SCN10A: variants seen among roughly 807,000 people sequenced by gnomAD.
SCN10A encodes the protein sodium channel protein type 10 subunit alpha.
A neutral mutation model predicts 170.7 loss-of-function variants in SCN10A; 162 were observed. That is an observed-to-expected ratio of 0.95 (90% confidence interval 0.84 to 1.08). The LOEUF (loss-of-function observed/expected upper bound fraction) is 1.08. SCN10A is among the 50% of genes least tolerant of loss of function. SCN10A has a pLI of 0.00. For missense variants in SCN10A, 2,527 were observed against 2,436.9 expected (o/e 1.04, Z -0.78); for synonymous variants, 985 against 904.6 (o/e 1.09, Z -1.59).
intron 1 of SCN10A, among the ~76,000 whole-genome samples, chr3:38,809,886 A>G (rs1319804143): frequency 6.6e-6 from 1 of 152,230 alleles, no homozygotes; most frequent in Admixed American, 6.5e-5. Flanking sequence ...TAAGTGACTC[A>G]AGGTATTAAA....
At chr3:38,778,903 A>G (rs1211879800) in intron 4 of SCN10A, among the ~76,000 whole-genome samples, 1 of 152,086 alleles carries the variant, frequency 6.6e-6, no homozygotes. Context: ...GTAGATTTGT[A>G]TATGTTATAC....
chr3:38,713,939 G>A lies in SCN10A; in HGVS notation c.3804+19C>T. The A allele has an allele frequency of 1.2e-6, 2 of 1,612,428 alleles. No homozygotes were observed. Among genetic ancestry groups the A allele is most frequent in the South Asian group, 2.2e-5 (2 of 91,024 alleles). ...CACCGTGCCTGGCCAGATGAGAGAA[G>A]TTTTGAGATCAGACTTACCCGCATG... On this transcript the variant is annotated intron_variant, in intron 22 of 27. Coordinates refer to ENST00000449082, the MANE Select transcript of SCN10A (RefSeq NM_006514.4).
chr3:38,739,511 T>G lies in SCN10A; in HGVS notation c.2280+4A>C. On this transcript the variant is annotated splice_donor_region_variant and intron_variant, in intron 15 of 27. Coordinates refer to ENST00000449082, the MANE Select transcript of SCN10A (RefSeq NM_006514.4). ...TCCCCAAGCCATCAAGAGAAAAACA[T>G]TACCAAGCGGAAGCTCCGCAGCACA... 2.5e-6 allele frequency: 4 copies of G among 1,612,686 alleles called. No homozygotes were observed. The highest frequency in any genetic ancestry group is 3.4e-6 in the Non-Finnish European group (4 of 1,179,284).
intron 22 of SCN10A, among the ~76,000 whole-genome samples, chr3:38,713,435 T>A (rs1355231818): frequency 6.6e-6 from 1 of 152,098 alleles, no homozygotes; most frequent in Non-Finnish European, 1.5e-5. Context: ...GAGCGATGAT[T>A]CAGGATTACT....
chr3:38,769,928 G>C (rs2063979670), intron 5 of SCN10A, among the ~76,000 whole-genome samples: 1 of 152,192 alleles, frequency 6.6e-6, no homozygotes, highest in Admixed American at 6.5e-5. Context: ...AAGTCTCCCA[G>C]CCATGGATAT....
At chr3:38,757,529 G>A (rs1287335036) in intron 8 of SCN10A, among the ~76,000 whole-genome samples, 2 of 152,170 alleles carry the variant, frequency 1.3e-5, no homozygotes, top group Non-Finnish European at 2.9e-5. Flanking sequence ...TATCAAGGGA[G>A]GTCTCACATT....
At chr3:38,750,626 GA>G (rs1474900717) in intron 12 of SCN10A, among the ~76,000 whole-genome samples, 2 of 152,136 alleles carry the variant, frequency 1.3e-5, no homozygotes, top group Non-Finnish European at 2.9e-5. Flanking sequence ...CAGCTATTTA[GA>G]AACCTTTTTA....
Position 38,725,267 on chromosome 3 carries a change from G to A in SCN10A, c.3135C>T (p.Pro1045=). The A allele has an allele frequency of 1.2e-6, 2 of 1,602,262 alleles. No homozygotes were observed. Among genetic ancestry groups the A allele is most frequent in the Non-Finnish European group, 1.7e-6 (2 of 1,171,390 alleles). The change falls in exon 18 of 28, where the codon CCC becomes CCT. Residue 1045 remains proline (P), a synonymous_variant. Coordinates refer to ENST00000449082, the MANE Select transcript of SCN10A (RefSeq NM_006514.4). ...QVERCGDHLT[P]RSPGTGTSSE... Reference sequence around the variant, plus strand: ...AAGATGTTCCAGTGCCTGGGCTCCTGGGTGTCAGGTGGTCCCCACACCTCT... The same window carrying A: ...AAGATGTTCCAGTGCCTGGGCTCCTAGGTGTCAGGTGGTCCCCACACCTCT...
chr3:38,732,844 A>G (rs576021476), intron 15 of SCN10A, among the ~76,000 whole-genome samples: 27 of 152,356 alleles, frequency 1.8e-4, no homozygotes, highest in African/African-American at 6.5e-4. Context: ...CTGGTTTATA[A>G]GAATAAAAGA....
At chr3:38,731,067 A>T (rs1270329199) in intron 15 of SCN10A, among the ~76,000 whole-genome samples, 1 of 152,244 alleles carries the variant, frequency 6.6e-6, no homozygotes, top group East Asian at 1.9e-4. Context: ...TAGACATATT[A>T]CAGTGAAACT....
At chr3:38,773,887 A>G (rs2064039320) in intron 4 of SCN10A, among the ~76,000 whole-genome samples, 1 of 152,168 alleles carries the variant, frequency 6.6e-6, no homozygotes, top group African/African-American at 2.4e-5. Flanking sequence ...TCAGAAATTG[A>G]AAAATTAAAA....
chr3:38,786,021 C>T (rs1053133801), intron 4 of SCN10A, among the ~76,000 whole-genome samples: 18 of 152,116 alleles, frequency 1.2e-4, no homozygotes, highest in Non-Finnish European at 2.5e-4. Flanking sequence ...TGCTTTTACA[C>T]TGTTGGTGGG....
chr3:38,733,879 C>T (rs1486852698), intron 15 of SCN10A, among the ~76,000 whole-genome samples: 1 of 152,100 alleles, frequency 6.6e-6, no homozygotes, highest in Non-Finnish European at 1.5e-5. Flanking sequence ...CACCATCACA[C>T]CTGGCTAATT....
intron 11 of SCN10A, among the ~76,000 whole-genome samples, chr3:38,754,204 A>G (rs2063778792): frequency 6.6e-6 from 1 of 152,172 alleles, no homozygotes; most frequent in South Asian, 2.1e-4. Flanking sequence ...TTTATTGTTG[A>G]TCCCAATTAT....
intron 19 of SCN10A, among the ~76,000 whole-genome samples, chr3:38,723,174 C>T (rs574596795): frequency 1.4e-4 from 21 of 152,070 alleles, no homozygotes; most frequent in Non-Finnish European, 2.2e-4. Flanking sequence ...TTAGAACTCA[C>T]GGAGGGGTTT....
chr3:38,800,869 T>A (rs531178267), intron 1 of SCN10A, among the ~76,000 whole-genome samples: 3 of 152,158 alleles, frequency 2.0e-5, no homozygotes, highest in Non-Finnish European at 4.4e-5. Flanking sequence ...TAGTAGCACC[T>A]TGACTTGAAT....
intron 21 of SCN10A, among the ~76,000 whole-genome samples, chr3:38,716,083 A>G (rs1218084976): frequency 1.3e-5 from 2 of 152,158 alleles, no homozygotes; most frequent in East Asian, 3.9e-4. Context: ...TAATAATAGC[A>G]TATTGTTTTC....
chr3:38,746,540 C>T (rs967774759), intron 13 of SCN10A, among the ~76,000 whole-genome samples: 2 of 152,154 alleles, frequency 1.3e-5, no homozygotes, highest in East Asian at 3.9e-4. Context: ...TGCCTCCAAT[C>T]CTTTAATGGC....
intron 5 of SCN10A, among the ~76,000 whole-genome samples, chr3:38,768,376 T>TTAA: frequency 6.6e-6 from 1 of 152,110 alleles, no homozygotes; most frequent in East Asian, 1.9e-4. Flanking sequence ...TTGGTGTATT[T>TTAA]TAAGGTTTTA....
Sources: gnomAD v4.1 joint callset for allele counts (sites outside exome capture counted in the v4.1 genomes callset) on GRCh38, gnomAD v4.1.1 for gene constraint, MANE v1.5 for transcripts, NCBI Gene and HGNC (gene_info 2026-07-23, HGNC 2026-07-21) for gene names.